Variants in CNTNAP2 observed in about 807,000 individuals in gnomAD.
CNTNAP2 encodes the protein contactin-associated protein-like 2.
A neutral mutation model predicts 155.2 loss-of-function variants in CNTNAP2; 98 were observed. The ratio of observed to expected loss-of-function variants is 0.63; its 90% CI spans 0.54 to 0.75. The LOEUF is 0.75. Ranked by LOEUF, CNTNAP2 falls within the 30% of genes least tolerant of loss-of-function variation. CNTNAP2 has a pLI of 0.00. For missense variants in CNTNAP2, 1,727 were observed against 1,688.1 expected (o/e 1.02, Z -0.40); for synonymous variants, 651 against 631.2 (o/e 1.03, Z -0.47).
intron 1 of CNTNAP2, among the ~76,000 whole-genome samples, chr7:146,466,445 A>G (rs1796718599): frequency 6.6e-6 from 1 of 152,214 alleles, no homozygotes; most frequent in South Asian, 2.1e-4. Flanking sequence ...GTGTTTCAAC[A>G]GGCTGTTGTT....
intron 11 of CNTNAP2, among the ~76,000 whole-genome samples, chr7:147,523,647 G>C (rs757360454): frequency 5.3e-5 from 8 of 152,030 alleles, no homozygotes; most frequent in Non-Finnish European, 1.0e-4. Context: ...CAGCAGCTTG[G>C]GCCCCCTGTA....
intron 8 of CNTNAP2, among the ~76,000 whole-genome samples, chr7:147,182,943 G>A (rs1301101279): frequency 1.3e-5 from 2 of 151,950 alleles, no homozygotes; most frequent in Admixed American, 6.6e-5. Flanking sequence ...TATCTCCCAA[G>A]GATATTATAA....
intron 1 of CNTNAP2, among the ~76,000 whole-genome samples, chr7:146,194,678 C>T (rs1798752275): frequency 6.6e-6 from 1 of 152,164 alleles, no homozygotes; most frequent in African/African-American, 2.4e-5. Flanking sequence ...TATCCATACA[C>T]TAATGAGCTT....
chr7:148,253,009 CATAGATAG>C (rs59679982), intron 20 of CNTNAP2, among the ~76,000 whole-genome samples: 123 of 141,952 alleles, frequency 8.7e-4, no homozygotes, highest in African/African-American at 1.6e-3. Context: ...TAGATAGATA[CATAGATAG>C]ATAGATAGAT....
chr7:147,883,362 T>C (rs1371712827), intron 13 of CNTNAP2, among the ~76,000 whole-genome samples: 1 of 152,188 alleles, frequency 6.6e-6, no homozygotes, highest in Middle Eastern at 3.2e-3. Flanking sequence ...CCTGAAAAGA[T>C]AGATTCAGAG....
chr7:147,011,671 T>A (rs932453959), intron 3 of CNTNAP2, among the ~76,000 whole-genome samples: 1 of 152,054 alleles, frequency 6.6e-6, no homozygotes, highest in Admixed American at 6.6e-5. Flanking sequence ...CCATGGAAAC[T>A]AGAATTCATC....
chr7:147,200,844 G>GAGAA (rs1802907541), intron 8 of CNTNAP2, among the ~76,000 whole-genome samples: 2 of 152,206 alleles, frequency 1.3e-5, no homozygotes, highest in South Asian at 4.1e-4. Flanking sequence ...GTATGGAGAA[G>GAGAA]AGAAAGTCTT....
At chr7:147,098,767 C>T (rs1800595427) in intron 4 of CNTNAP2, among the ~76,000 whole-genome samples, 3 of 151,896 alleles carry the variant, frequency 2.0e-5, no homozygotes, top group Admixed American at 6.6e-5. Flanking sequence ...AAACACCTAC[C>T]GTGAAAAGAT....
chr7:146,463,870 T>C (rs1796676178), intron 1 of CNTNAP2, among the ~76,000 whole-genome samples: 1 of 152,136 alleles, frequency 6.6e-6, no homozygotes, highest in South Asian at 2.1e-4. Context: ...TTCACTTATC[T>C]GTTTCCCATA....
At chr7:147,768,528 C>A (rs1372042744) in intron 13 of CNTNAP2, among the ~76,000 whole-genome samples, 2 of 152,058 alleles carry the variant, frequency 1.3e-5, no homozygotes, top group East Asian at 1.9e-4. Context: ...TTTTTATTCT[C>A]TTTCTGAACT....
intron 13 of CNTNAP2, among the ~76,000 whole-genome samples, chr7:147,788,399 C>T (rs1797768855): frequency 6.6e-6 from 1 of 152,158 alleles, no homozygotes; most frequent in Admixed American, 6.5e-5. Context: ...GGCTTGAATG[C>T]TTGAATGTTT....
rs547475741 is a variant in CNTNAP2 at position 147,754,268 on chromosome 7, T to C, written c.2098+114962T>C. Reference sequence around the variant, plus strand: ...ATGAAGCAAAATGTACTAGACACTTTTGGAAGCTGCTAAGGCACCAATTCA... The same window carrying C: ...ATGAAGCAAAATGTACTAGACACTTCTGGAAGCTGCTAAGGCACCAATTCA... On this transcript the variant is annotated intron_variant, in intron 13 of 23. Coordinates refer to ENST00000361727, the MANE Select transcript of CNTNAP2 (RefSeq NM_014141.6). Among the ~76,000 whole-genome samples, 8 of 152,314 alleles carry C rather than the reference T, an allele frequency of 5.3e-5. No individual in the cohort carries two copies. The East Asian group carries it at 9.7e-4, about 18-fold the overall frequency.
intron 1 of CNTNAP2, among the ~76,000 whole-genome samples, chr7:146,438,894 T>C (rs1584925888): frequency 1.3e-5 from 2 of 151,692 alleles, no homozygotes; most frequent in African/African-American, 2.4e-5. Flanking sequence ...TTGTTGAACA[T>C]GGTCTGTCAT....
At chr7:148,375,999 C>CAA (rs541531228) in intron 21 of CNTNAP2, among the ~76,000 whole-genome samples, 1 of 48,644 alleles carries the variant, frequency 2.1e-5, no homozygotes. Flanking sequence ...GACTCCATCT[C>CAA]AAAAAAAAAA....
chr7:148,147,587 G>T lies in CNTNAP2; in HGVS notation c.2651G>T (p.Arg884Leu). ...CCTCTCAACGATGACCAGTGGCACC[G>T]GGTCACTGCAGAGAGGAATGTCAAG... The part of the protein sequence containing the change: ...PTPLNDDQWH[R>L]VTAERNVKQA... Residue 884 changes from arginine (R) to leucine (L), a missense_variant, in exon 17 of 24, where the codon CGG (arginine) becomes CTG (leucine). Physicochemically the swap from Arg to Leu is moderately radical, Grantham distance 102. Transcript: ENST00000361727. 6.2e-7 allele frequency: 1 copy of T among 1,614,052 alleles called. No individual in the cohort carries two copies. The highest frequency in any genetic ancestry group is 8.5e-7 in the Non-Finnish European group (1 of 1,180,026).
intron 1 of CNTNAP2, among the ~76,000 whole-genome samples, chr7:146,370,967 G>A (rs946647891): frequency 3.3e-5 from 5 of 151,910 alleles, no homozygotes; most frequent in Non-Finnish European, 5.9e-5. Flanking sequence ...CCTTAATTAT[G>A]TTGCAATAGT....
At chr7:148,209,332 CT>C (rs1307964805) in intron 18 of CNTNAP2, among the ~76,000 whole-genome samples, 1 of 145,968 alleles carries the variant, frequency 6.9e-6, no homozygotes, top group Non-Finnish European at 1.5e-5. Flanking sequence ...CAGGGTCCCC[CT>C]ATGTTGTCCA....
At chr7:147,723,849 C>G (rs1796603385) in intron 13 of CNTNAP2, among the ~76,000 whole-genome samples, 1 of 151,920 alleles carries the variant, frequency 6.6e-6, no homozygotes, top group South Asian at 2.1e-4. Context: ...TTTAGCAAAC[C>G]CGTGACCTCA....
Position 146,151,857 on chromosome 7 carries a change from C to A in CNTNAP2, c.97+34884C>A, listed in dbSNP as rs76952201. 4.0e-3 allele frequency among the ~76,000 whole-genome samples: 605 copies of A among 150,262 alleles called. 1 individual carries two copies. Among genetic ancestry groups the A allele is most frequent in the African/African-American group, 0.014 (579 of 41,042 alleles). On this transcript the variant is annotated intron_variant, in intron 1 of 23. Transcript: ENST00000361727. ...CTTAGAATAGCTATCATCAGAAAGA[C>A]AAAAGATAATAAGTCTTGGCAAGGA...
Sources: allele counts gnomAD v4.1 joint callset (sites outside exome capture counted in the v4.1 genomes callset), GRCh38; gene constraint gnomAD v4.1.1; transcripts MANE v1.5; gene names NCBI Gene and HGNC (gene_info 2026-07-23, HGNC 2026-07-21).